The following HPSE2 variants were observed in gnomAD, a reference collection of about 807,000 sequenced individuals.
The protein encoded by HPSE2 is heparanase 2 (inactive), also known as inactive heparanase-2.
A neutral mutation model predicts 60.5 loss-of-function variants in HPSE2; 38 were observed. The observed-to-expected ratio is 0.63, with a 90% CI of 0.48 to 0.82. The LOEUF (loss-of-function observed/expected upper bound fraction) is 0.82. Ranked by LOEUF, HPSE2 falls within the 40% of genes least tolerant of loss-of-function variation. HPSE2 has a pLI of 0.00. For missense variants in HPSE2, 713 were observed against 740.4 expected, an observed-to-expected ratio of 0.96 and a Z score of 0.43; for synonymous variants, 295 against 293.2, an observed-to-expected ratio of 1.01 and a Z score of -0.06.
At chr10:98,746,117 T>C (rs997178908) in intron 3 of HPSE2, among the ~76,000 whole-genome samples, 1 of 145,382 alleles carries the variant, frequency 6.9e-6, no homozygotes, top group African/African-American at 2.5e-5. Flanking sequence ...AAAATCGATG[T>C]CAACTTACAT....
the HPSE2 span, among the ~76,000 whole-genome samples, chr10:99,294,651 T>A: frequency 6.6e-6 from 1 of 151,622 alleles, no homozygotes; most frequent in East Asian, 1.9e-4. Flanking sequence ...AAGTACACTT[T>A]GGCCGGGCGT....
intron 6 of HPSE2, among the ~76,000 whole-genome samples, chr10:98,679,433 C>T (rs1422501998): frequency 6.6e-6 from 1 of 152,112 alleles, no homozygotes; most frequent in Non-Finnish European, 1.5e-5. Flanking sequence ...ATTGCTCTGA[C>T]AATTAATGGA....
At chr10:99,254,681 A>AAGTGT in the HPSE2 span, among the ~76,000 whole-genome samples, 1 of 152,204 alleles carries the variant, frequency 6.6e-6, no homozygotes, top group African/African-American at 2.4e-5. Flanking sequence ...TATAAGTTGA[A>AAGTGT]AGTGTCTTTC....
intron 9 of HPSE2, among the ~76,000 whole-genome samples, chr10:98,558,073 A>C (rs1295524675): frequency 6.6e-6 from 1 of 152,214 alleles, no homozygotes; most frequent in Non-Finnish European, 1.5e-5. Flanking sequence ...TCACAGCAAT[A>C]TAAAACAAAA....
At chr10:98,744,128 T>A in intron 3 of HPSE2, 72 bp from the exon 4 acceptor site, 1 of 1,401,872 alleles carries the variant, frequency 7.1e-7, no homozygotes, top group Non-Finnish European at 9.9e-7. Flanking sequence ...GTAGCTAATA[T>A]AAAAAGCCTT....
At chr10:99,216,324 A>G (rs990430014) in intron 2 of HPSE2, among the ~76,000 whole-genome samples, 3 of 150,254 alleles carry the variant, frequency 2.0e-5, no homozygotes, top group African/African-American at 7.4e-5. Context: ...CCTCCTGAGT[A>G]GCTTGGATTA....
At chr10:99,144,125 A>T in intron 3 of HPSE2, 113 bp downstream of exon 3, 1 of 1,052,666 alleles carries the variant, frequency 9.5e-7, no homozygotes, top group East Asian at 2.4e-5. Context: ...TAGAAAGACA[A>T]GTCATCACAA....
At chr10:98,503,838 G>A (rs1335599460) in intron 9 of HPSE2, among the ~76,000 whole-genome samples, 1 of 152,174 alleles carries the variant, frequency 6.6e-6, no homozygotes, top group African/African-American at 2.4e-5. Context: ...GTATGGTTCA[G>A]TGGACTTTGG....
At chr10:98,503,041 G>A (rs548456062) in intron 9 of HPSE2, among the ~76,000 whole-genome samples, 7 of 151,938 alleles carry the variant, frequency 4.6e-5, no homozygotes, top group South Asian at 2.1e-4. Context: ...GTGAAACCCC[G>A]TCTCTATTAA....
intron 3 of HPSE2, among the ~76,000 whole-genome samples, chr10:98,995,605 A>C (rs1243240268): frequency 2.0e-5 from 3 of 152,154 alleles, no homozygotes; most frequent in Non-Finnish European, 4.4e-5. Flanking sequence ...CTTCCCCCTT[A>C]AGATAAATAT....
rs1215158362 is a variant in HPSE2, at chr10:98,696,306, A to AC, written c.957-2360_957-2359insG. ...AGAGGCTCCCATAAAAAAAAAAAAA[A>AC]AAAAAAAAAAAACCATAATAGCGAG... On this transcript the variant is annotated intron_variant, in intron 5 of 11. Transcript: ENST00000370552. Among the ~76,000 whole-genome samples, 299 of 132,760 alleles carry AC rather than the reference A, an allele frequency of 2.3e-3. 2 individuals carry two copies. Among genetic ancestry groups the AC allele is most frequent in the African/African-American group, 6.9e-3 (272 of 39,694 alleles). 87.1% of individuals were successfully genotyped at this position (132,760 alleles called of 152,430 possible).
At chr10:98,902,435 T>G (rs1953692778) in intron 3 of HPSE2, among the ~76,000 whole-genome samples, 1 of 152,168 alleles carries the variant, frequency 6.6e-6, no homozygotes, top group Non-Finnish European at 1.5e-5. Flanking sequence ...TTTATCACCA[T>G]GTTAAGGTGC....
chr10:98,574,865 C>T (rs945046918), intron 9 of HPSE2, among the ~76,000 whole-genome samples: 3 of 152,202 alleles, frequency 2.0e-5, no homozygotes, highest in African/African-American at 7.2e-5. Context: ...TGTATCTGTA[C>T]ATACATACTG....
intron 3 of HPSE2, among the ~76,000 whole-genome samples, chr10:98,856,284 C>T (rs1270763696): frequency 6.6e-6 from 1 of 152,066 alleles, no homozygotes; most frequent in Non-Finnish European, 1.5e-5. Context: ...GATGTGAGAA[C>T]CATCAGATAG....
At chr10:99,217,131 C>A (rs1849155357) in intron 2 of HPSE2, among the ~76,000 whole-genome samples, 1 of 151,724 alleles carries the variant, frequency 6.6e-6, no homozygotes, top group Admixed American at 6.6e-5. Context: ...CTCCCAGCTC[C>A]CCATGTTGTT....
chr10:99,119,702 A>G (rs371997335), intron 3 of HPSE2, among the ~76,000 whole-genome samples: 1 of 152,222 alleles, frequency 6.6e-6, no homozygotes, highest in South Asian at 2.1e-4. Context: ...ACTATGCTAC[A>G]GAACTACAGT....
chr10:98,862,959 T>G (rs920012181), intron 3 of HPSE2, among the ~76,000 whole-genome samples: 1 of 152,152 alleles, frequency 6.6e-6, no homozygotes, highest in South Asian at 2.1e-4. Flanking sequence ...AGATGAGGTT[T>G]TGTTATTTTC....
intron 6 of HPSE2, among the ~76,000 whole-genome samples, chr10:98,678,279 A>G (rs541397394): frequency 2.1e-4 from 32 of 152,304 alleles, no homozygotes; most frequent in African/African-American, 7.0e-4. Context: ...ATGTCAGAGA[A>G]GAAGCTACTG....
intron 9 of HPSE2, among the ~76,000 whole-genome samples, chr10:98,557,490 T>C (rs1474506207): frequency 6.6e-6 from 1 of 152,092 alleles, no homozygotes; most frequent in Non-Finnish European, 1.5e-5. Context: ...GGACTACAGA[T>C]CTAAATATGA....
Sources: allele counts gnomAD v4.1 joint callset (sites outside exome capture counted in the v4.1 genomes callset), GRCh38; gene constraint gnomAD v4.1.1; transcripts MANE v1.5; gene names NCBI Gene and HGNC (gene_info 2026-07-23, HGNC 2026-07-21).